Variants in MACROD2 observed in about 807,000 individuals in gnomAD.
The protein encoded by MACROD2 is ADP-ribose glycohydrolase MACROD2.
A neutral mutation model predicts 70.4 loss-of-function variants in MACROD2; 36 were observed. The observed-to-expected ratio is 0.51, with a 90% CI of 0.39 to 0.68. The LOEUF is 0.68. Among genes scored for constraint, MACROD2 ranks in the 30% least tolerant of loss-of-function variants. MACROD2 has a pLI of 0.00. For missense variants in MACROD2, 496 were observed against 538.4 expected (o/e 0.92, Z 0.78); for synonymous variants, 172 against 178.8 (o/e 0.96, Z 0.30).
chr20:14,735,036 G>GA (rs1179585000), intron 5 of MACROD2, among the ~76,000 whole-genome samples: 14 of 151,526 alleles, frequency 9.2e-5, no homozygotes, highest in Non-Finnish European at 1.5e-5. Flanking sequence ...AAAACCCTTA[G>GA]AAAAAAAATA....
chr20:15,901,277 G>C (rs1047680697), intron 10 of MACROD2, among the ~76,000 whole-genome samples: 5 of 151,970 alleles, frequency 3.3e-5, no homozygotes, highest in African/African-American at 1.2e-4. Flanking sequence ...TTATCTTCAA[G>C]TCCAGATTCC....
At chr20:14,275,228 C>G (rs1277394388) in intron 3 of MACROD2, among the ~76,000 whole-genome samples, 1 of 152,170 alleles carries the variant, frequency 6.6e-6, no homozygotes, top group East Asian at 1.9e-4. Flanking sequence ...TGACTTCAAA[C>G]TATACTACAA....
At chr20:14,274,174 T>G (rs1289031615) in intron 3 of MACROD2, among the ~76,000 whole-genome samples, 1 of 152,094 alleles carries the variant, frequency 6.6e-6, no homozygotes, top group East Asian at 1.9e-4. Flanking sequence ...ATACCAAAGC[T>G]GGGCAGAGAC....
At chr20:14,156,188 A>C (rs1280846696) in intron 3 of MACROD2, among the ~76,000 whole-genome samples, 2 of 152,326 alleles carry the variant, frequency 1.3e-5, no homozygotes, top group Middle Eastern at 3.4e-3. Context: ...CACTATGCCA[A>C]TGTGGGAGTT....
chr20:14,736,173 A>G (rs6079547), intron 5 of MACROD2, among the ~76,000 whole-genome samples: 1 of 151,996 alleles, frequency 6.6e-6, no homozygotes, highest in Non-Finnish European at 1.5e-5. Context: ...GCACTAACAC[A>G]TGCAACAATG....
intron 6 of MACROD2, among the ~76,000 whole-genome samples, chr20:15,371,913 C>A (rs1255180666): frequency 6.6e-6 from 1 of 152,134 alleles, no homozygotes; most frequent in Non-Finnish European, 1.5e-5. Context: ...TACGCTTTCA[C>A]TACATATGTA....
intron 3 of MACROD2, among the ~76,000 whole-genome samples, chr20:14,247,470 T>C (rs2122256356): frequency 6.6e-6 from 1 of 152,352 alleles, no homozygotes; most frequent in African/African-American, 2.4e-5. Context: ...AAGTTGGTTG[T>C]AATATTTGAA....
rs190128588 is a variant in MACROD2 at position 14,870,339 on chromosome 20, A to G, written c.418+185380A>G. Among the ~76,000 whole-genome samples the G allele has an allele frequency of 3.3e-3, 504 of 152,244 alleles. 2 individuals are homozygous for G. Among genetic ancestry groups the G allele is most frequent in the African/African-American group, 0.011 (473 of 41,550 alleles). ...GTATATATGACACATTATCCAGTCT[A>G]TCATTGATGGGTATCTAGGTTGATT... On this transcript the variant is annotated intron_variant, in intron 5 of 17. Transcript: ENST00000684519.
chr20:15,677,970 C>A (rs1568969234), intron 8 of MACROD2, among the ~76,000 whole-genome samples: 1 of 151,942 alleles, frequency 6.6e-6, no homozygotes, highest in East Asian at 1.9e-4. Context: ...GAGGCTGAAG[C>A]AGGAGAATGA....
At chr20:14,529,491 C>T (rs1222312019) in intron 4 of MACROD2, among the ~76,000 whole-genome samples, 1 of 152,140 alleles carries the variant, frequency 6.6e-6, no homozygotes, top group Non-Finnish European at 1.5e-5. Context: ...CATTATATGA[C>T]AATAATTTTC....
intron 5 of MACROD2, among the ~76,000 whole-genome samples, chr20:15,161,639 T>C (rs1027747139): frequency 2.0e-5 from 3 of 152,082 alleles, no homozygotes; most frequent in South Asian, 2.1e-4. Context: ...AAAAACACCA[T>C]CTGGATGCTG....
At position 14,071,252 on chromosome 20, in the gene MACROD2, G is replaced by GTTTTTTTTTTTTTTTTTTTTTTTT. The variant is rs59052053; in HGVS notation, c.164-14366_164-14343dup. ...GACAGTATTGGCCATTTCATCTTGT[G>GTTTTTTTTTTTTTTTTTTTTTTTT]TTTTTTTTTTTTTTTTTTTTTTTTT... On this transcript the variant is annotated intron_variant, in intron 2 of 17. Coordinates refer to ENST00000684519, the MANE Select transcript of MACROD2 (RefSeq NM_001351661.2). 2.3e-4 allele frequency among the ~76,000 whole-genome samples: 15 copies of GTTTTTTTTTTTTTTTTTTTTTTTT among 63,936 alleles called. 3 individuals are homozygous for GTTTTTTTTTTTTTTTTTTTTTTTT. Among genetic ancestry groups the GTTTTTTTTTTTTTTTTTTTTTTTT allele is most frequent in the African/African-American group, 7.0e-4 (11 of 15,778 alleles). 41.9% of individuals were successfully genotyped at this position (63,936 alleles called of 152,430 possible). A position where few individuals can be genotyped will look rare whatever the true frequency, so the allele number is the denominator to read the frequency against.
At chr20:15,915,273 C>G (rs1001059500) in intron 10 of MACROD2, among the ~76,000 whole-genome samples, 4 of 151,906 alleles carry the variant, frequency 2.6e-5, no homozygotes, top group African/African-American at 9.7e-5. Flanking sequence ...GCAATTAGCC[C>G]CACCCTGAAG....
At chr20:15,862,235 A>C (rs1028934119) in intron 8 of MACROD2, among the ~76,000 whole-genome samples, 1 of 152,224 alleles carries the variant, frequency 6.6e-6, no homozygotes, top group African/African-American at 2.4e-5. Flanking sequence ...GTGTTAAATT[A>C]AAGCAAGTGG....
chr20:14,409,147 C>CTT (rs11425504), intron 3 of MACROD2, among the ~76,000 whole-genome samples: 4,997 of 127,518 alleles, frequency 0.039, 164 homozygotes, highest in Middle Eastern at 0.11. Context: ...TCTGTTTTGG[C>CTT]TTTTTTTTTT....
At chr20:15,412,896 T>C (rs1268124636) in intron 6 of MACROD2, among the ~76,000 whole-genome samples, 1 of 152,232 alleles carries the variant, frequency 6.6e-6, no homozygotes, top group Non-Finnish European at 1.5e-5. Context: ...AGTCATTACA[T>C]ACTTAAAAAT....
At position 15,153,277 on chromosome 20, in the gene MACROD2, C is replaced by T. The variant is rs897307823; in HGVS notation, c.419-76663C>T. Among the ~76,000 whole-genome samples the T allele has an allele frequency of 7.9e-5, 12 of 151,954 alleles. No homozygotes were observed. The East Asian group carries it at 1.5e-3, about 20-fold the overall frequency. ...TCAGTGAAGGGAGCTAGGGGTGGGG[C>T]TATTTTATAGGATTTGGGTAGGTAA... On this transcript the variant is annotated intron_variant, in intron 5 of 17. Coordinates refer to ENST00000684519, the MANE Select transcript of MACROD2 (RefSeq NM_001351661.2).
At chr20:14,462,641 T>C (rs978136085) in intron 3 of MACROD2, among the ~76,000 whole-genome samples, 1 of 152,114 alleles carries the variant, frequency 6.6e-6, no homozygotes, top group African/African-American at 2.4e-5. Context: ...TTGCCTAGCT[T>C]TTCTTCTAGG....
chr20:14,200,547 CAAAA>C (rs1569203433), intron 3 of MACROD2, among the ~76,000 whole-genome samples: 1 of 151,766 alleles, frequency 6.6e-6, no homozygotes, highest in Admixed American at 6.6e-5. Context: ...AAACAAAAAA[CAAAA>C]AAAGATTTCC....
Sources: allele counts gnomAD v4.1 joint callset (sites outside exome capture counted in the v4.1 genomes callset), GRCh38; gene constraint gnomAD v4.1.1; transcripts MANE v1.5; gene names NCBI Gene and HGNC (gene_info 2026-07-23, HGNC 2026-07-21).